Variants in TENM3 observed in about 807,000 individuals in gnomAD.
TENM3 encodes teneurin transmembrane protein 3.
TENM3 carries 63 observed loss-of-function variants against 255.1 expected under a neutral mutation model. The observed-to-expected ratio is 0.25, with a 90% confidence interval of 0.20 to 0.30. The LOEUF (loss-of-function observed/expected upper bound fraction) is 0.30. Among genes scored for constraint, TENM3 ranks in the 10% least tolerant of loss-of-function variants. TENM3 has a pLI of 1.00. For synonymous variants in TENM3, 1,306 were observed against 1,322.3 expected (o/e 0.99, Z 0.27); for missense variants, 2,929 against 3,461.1 (o/e 0.85, Z 3.86).
At chr4:182,047,464 A>C in the TENM3 span, among the ~76,000 whole-genome samples, 1 of 144,468 alleles carries the variant, frequency 6.9e-6, no homozygotes, top group Middle Eastern at 3.7e-3. Flanking sequence ...CAGGAGGCTG[A>C]GGCAGGGAAA....
At chr4:181,805,348 C>T in the TENM3 span, among the ~76,000 whole-genome samples, 1 of 152,026 alleles carries the variant, frequency 6.6e-6, no homozygotes, top group African/African-American at 2.4e-5. Flanking sequence ...ACATTGGCCA[C>T]CTCTACCTCC....
At chr4:182,275,163 G>C (rs1759918173) in intron 1 of TENM3, among the ~76,000 whole-genome samples, 1 of 152,110 alleles carries the variant, frequency 6.6e-6, no homozygotes, top group Non-Finnish European at 1.5e-5. Flanking sequence ...TAGTTGGTTA[G>C]TTTTTATTGT....
the TENM3 span, among the ~76,000 whole-genome samples, chr4:181,686,810 T>C: frequency 6.6e-6 from 1 of 152,166 alleles, no homozygotes; most frequent in African/African-American, 2.4e-5. Flanking sequence ...AATAGACTCC[T>C]GTTGGCCATT....
intron 22 of TENM3, among the ~76,000 whole-genome samples, chr4:182,771,502 G>GA (rs972229622): frequency 6.7e-6 from 1 of 149,950 alleles, no homozygotes; most frequent in African/African-American, 2.4e-5. Context: ...CTGAAATGGG[G>GA]GGGGGGGAAA....
chr4:182,798,769 G>A (rs1766680906), intron 27 of TENM3, among the ~76,000 whole-genome samples: 1 of 152,146 alleles, frequency 6.6e-6, no homozygotes, highest in Non-Finnish European at 1.5e-5. Context: ...TGCACCATAA[G>A]GACAGCATAG....
chr4:182,285,240 T>TA (rs1760659557), intron 1 of TENM3, among the ~76,000 whole-genome samples: 1 of 152,038 alleles, frequency 6.6e-6, no homozygotes, highest in South Asian at 2.1e-4. Context: ...TCAGTATACC[T>TA]AGGTTAATTC....
At chr4:182,455,529 C>A (rs1773795439) in intron 3 of TENM3, among the ~76,000 whole-genome samples, 1 of 146,994 alleles carries the variant, frequency 6.8e-6, no homozygotes, top group African/African-American at 2.5e-5. Flanking sequence ...ACAGAGTTTC[C>A]AAGAGCTGAC....
chr4:181,933,018 G>A, the TENM3 span, among the ~76,000 whole-genome samples: 1 of 152,134 alleles, frequency 6.6e-6, no homozygotes, highest in South Asian at 2.1e-4. Context: ...CTCCCAGGGG[G>A]TTGGGGGCAA....
chr4:182,545,958 C>G (rs1343837092), intron 3 of TENM3, among the ~76,000 whole-genome samples: 1 of 152,148 alleles, frequency 6.6e-6, no homozygotes, highest in African/African-American at 2.4e-5. Flanking sequence ...GAAGCCTTAC[C>G]GATCAACAGT....
chr4:181,767,108 A>G, the TENM3 span, among the ~76,000 whole-genome samples: 24 of 135,432 alleles, frequency 1.8e-4, no homozygotes, highest in East Asian at 4.2e-3. Context: ...AAAAATTAGC[A>G]GGGCGTGGTG....
At chr4:182,297,283 A>G (rs950900371) in intron 1 of TENM3, among the ~76,000 whole-genome samples, 1 of 152,226 alleles carries the variant, frequency 6.6e-6, no homozygotes, top group African/African-American at 2.4e-5. Context: ...TGACACTGTC[A>G]CTTGCATAGT....
At chr4:182,514,842 T>G (rs1041200457) in intron 3 of TENM3, among the ~76,000 whole-genome samples, 1 of 151,962 alleles carries the variant, frequency 6.6e-6, no homozygotes, top group Non-Finnish European at 1.5e-5. Flanking sequence ...GAGATGCAGA[T>G]CAAGAAAATT....
intron 3 of TENM3, among the ~76,000 whole-genome samples, chr4:182,494,211 C>T (rs1735552390): frequency 6.6e-6 from 1 of 152,116 alleles, no homozygotes; most frequent in South Asian, 2.1e-4. Flanking sequence ...GTATGATATT[C>T]TGTTCTGGAA....
At chr4:182,389,761 C>T (rs1368687448) in intron 3 of TENM3, among the ~76,000 whole-genome samples, 1 of 141,142 alleles carries the variant, frequency 7.1e-6, no homozygotes, top group Non-Finnish European at 1.5e-5. Context: ...TCTCGGCTCA[C>T]TGCAAGCTCC....
the TENM3 span, among the ~76,000 whole-genome samples, chr4:181,714,243 C>T: frequency 6.6e-5 from 10 of 152,072 alleles, no homozygotes; most frequent in African/African-American, 2.4e-4. Context: ...CAAGACCAAT[C>T]TGGCCAACAG....
At chr4:182,169,374 T>C (rs1242749835) in intron 1 of TENM3, 1 of 455,336 alleles carries the variant, frequency 2.2e-6, no homozygotes, top group Non-Finnish European at 4.5e-6. Context: ...ACAGCAGGAT[T>C]CTCCCAAAAA....
chr4:182,486,315 T>TGGG (rs5864787), intron 3 of TENM3, among the ~76,000 whole-genome samples: 29 of 111,406 alleles, frequency 2.6e-4, no homozygotes, highest in South Asian at 3.2e-4. Flanking sequence ...TAATTGTGTG[T>TGGG]GGGGGGGAGG....
At chr4:182,712,145 T>C (rs1404438361) in intron 12 of TENM3, among the ~76,000 whole-genome samples, 1 of 152,208 alleles carries the variant, frequency 6.6e-6, no homozygotes, top group Non-Finnish European at 1.5e-5. Flanking sequence ...CTATAAATAC[T>C]GTACAGTCTA....
the TENM3 span, among the ~76,000 whole-genome samples, chr4:182,088,483 A>T: frequency 6.6e-6 from 1 of 152,186 alleles, no homozygotes; most frequent in Non-Finnish European, 1.5e-5. Flanking sequence ...GCATTTCAGA[A>T]TATGTGGGGC....
Sources: allele counts gnomAD v4.1 joint callset (sites outside exome capture counted in the v4.1 genomes callset), GRCh38; gene constraint gnomAD v4.1.1; transcripts MANE v1.5; gene names NCBI Gene and HGNC (gene_info 2026-07-23, HGNC 2026-07-21).